Variants in UNKL observed in about 807,000 individuals in gnomAD.
UNKL encodes the protein unk like zinc finger, also known as putative E3 ubiquitin-protein ligase UNKL.
UNKL carries 60 observed loss-of-function variants against 78.0 expected under a neutral mutation model. That is an observed-to-expected ratio of 0.77 (90% CI 0.63 to 0.95). The LOEUF is 0.95. Among genes scored for constraint, UNKL ranks in the 40% least tolerant of loss-of-function variants. UNKL has a pLI of 0.00. For missense variants in UNKL, 1,159 were observed against 1,045.7 expected (o/e 1.11, Z -1.49); for synonymous variants, 608 against 474.8 (o/e 1.28, Z -3.65).
chr16:1,398,681 A>AGGGCCCCCCCC, intron 5 of UNKL: 1 of 694,464 alleles, frequency 1.4e-6, no homozygotes, highest in Non-Finnish European at 1.9e-6. Context: ...TGGGGTCTGC[A>AGGGCCCCCCCC]CCCCCCCACC....
chr16:1,384,440 C>T (rs2036730884), intron 10 of UNKL, among the ~76,000 whole-genome samples: 1 of 152,094 alleles, frequency 6.6e-6, no homozygotes, highest in Non-Finnish European at 1.5e-5. Flanking sequence ...CAGCCCAGCA[C>T]CATCACGTGT....
intron 12 of UNKL, 197 bp from the exon 13 acceptor site, chr16:1,368,055 T>C (rs1419847759): frequency 8.3e-6 from 5 of 600,396 alleles, no homozygotes; most frequent in African/African-American, 7.5e-5. Flanking sequence ...GCGCTGACAG[T>C]GACACCTGCC....
Position 1,365,250 on chromosome 16 carries a change from G to A in UNKL, c.*990C>T, listed in dbSNP as rs1231540889. ...TTAGGTGATCCACCCGCCTCCCAAA[G>A]TGCTGGGATCACAGGCATGAGCCAC... On this transcript the variant is annotated 3_prime_UTR_variant, in exon 15 of 15. Transcript: ENST00000389221. 1 of 152,154 alleles carries A rather than the reference G, an allele frequency of 6.6e-6. No individual in the cohort carries two copies. 9.4% of individuals were successfully genotyped at this position (152,154 alleles called of 1,614,324 possible).
intron 10 of UNKL, among the ~76,000 whole-genome samples, chr16:1,377,413 C>A (rs1296584627): frequency 6.6e-6 from 1 of 152,116 alleles, no homozygotes; most frequent in East Asian, 1.9e-4. Flanking sequence ...TCCCCAGGCC[C>A]CTCAGGACTC....
At chr16:1,366,526 G>T in intron 14 of UNKL, 131 bp from the exon 15 acceptor site, 1 of 1,228,980 alleles carries the variant, frequency 8.1e-7, no homozygotes, top group Admixed American at 2.9e-5. Flanking sequence ...GACAGGGTCA[G>T]GGAGACGCCC....
rs1223318767 is a variant in UNKL, at chr16:1,390,707, A to G, written c.1024-13T>C. ...CTCTCCGCTTGGCCTGCAACATAAAAAACAGTCATATGTGGAAAAAGCAGG... is the reference window on the plus strand; with the variant it reads ...CTCTCCGCTTGGCCTGCAACATAAAGAACAGTCATATGTGGAAAAAGCAGG... On this transcript the variant is annotated splice_polypyrimidine_tract_variant and intron_variant, in intron 8 of 14. Coordinates refer to ENST00000389221, the MANE Select transcript of UNKL (RefSeq NM_001372107.1). 6.5e-7 allele frequency: 1 copy of G among 1,535,830 alleles called. No homozygotes were observed. Among genetic ancestry groups the G allele is most frequent in the Non-Finnish European group, 8.7e-7 (1 of 1,146,846 alleles).
intron 10 of UNKL, among the ~76,000 whole-genome samples, chr16:1,384,614 T>A (rs1227791076): frequency 6.6e-6 from 1 of 152,052 alleles, no homozygotes; most frequent in African/African-American, 2.4e-5. Flanking sequence ...TTCAATTTTT[T>A]TTTTGAGATG....
chr16:1,379,321 C>T, intron 10 of UNKL: 1 of 281,006 alleles, frequency 3.6e-6, no homozygotes, highest in Non-Finnish European at 5.4e-6. Context: ...CCGCTCCGCT[C>T]CGCTCTCCTG....
chr16:1,375,562 A>C (rs2036154942), intron 10 of UNKL, among the ~76,000 whole-genome samples: 1 of 152,096 alleles, frequency 6.6e-6, no homozygotes, highest in South Asian at 2.1e-4. Context: ...GGGACGGCAC[A>C]CGGCGCATGC....
At chr16:1,396,933 A>G (rs932633015) in intron 6 of UNKL, 2 of 529,364 alleles carry the variant, frequency 3.8e-6, no homozygotes, top group African/African-American at 1.9e-5. Context: ...TTTTTCCCAC[A>G]TGACTCTTTC....
At chr16:1,409,656 T>A (rs1403612102) in intron 2 of UNKL, among the ~76,000 whole-genome samples, 1 of 152,140 alleles carries the variant, frequency 6.6e-6, no homozygotes, top group Non-Finnish European at 1.5e-5. Context: ...AACTGCTACT[T>A]GAGCACAGCT....
At position 1,397,926 on chromosome 16, in the gene UNKL, C is replaced by T. The variant is rs143952548; in HGVS notation, c.735-631G>A. On this transcript the variant is annotated intron_variant, in intron 5 of 14. Transcript: ENST00000389221. ...CCTCGGGCATGGGGCCCTGGAGTGA[C>T]AGGCAACGCAGCTCTGCGCTCACGG... Among the ~76,000 whole-genome samples, 579 of 152,364 alleles carry T rather than the reference C, an allele frequency of 3.8e-3. 11 individuals are homozygous for T. Among genetic ancestry groups the T allele is most frequent in the South Asian group, 0.023 (112 of 4,832 alleles).
chr16:1,382,216 C>A (rs960123872), intron 10 of UNKL, among the ~76,000 whole-genome samples: 6 of 152,342 alleles, frequency 3.9e-5, no homozygotes, highest in South Asian at 2.1e-4. Context: ...TAAAAACCTA[C>A]CCTTTACGGT....
chr16:1,397,070 G>A (rs868107126), intron 6 of UNKL, 108 bp downstream of exon 6: 35 of 1,256,790 alleles, frequency 2.8e-5, no homozygotes, highest in South Asian at 1.9e-4. Flanking sequence ...GCCAGCCCTC[G>A]GCCAAAGTTA....
At chr16:1,368,176 G>T in intron 12 of UNKL, 1 of 423,360 alleles carries the variant, frequency 2.4e-6, no homozygotes, top group Non-Finnish European at 4.3e-6. Flanking sequence ...GAGGGGCAGT[G>T]GTTCTCAGAC....
intron 8 of UNKL, among the ~76,000 whole-genome samples, chr16:1,391,751 G>C (rs1437543855): frequency 1.3e-5 from 2 of 151,580 alleles, no homozygotes; most frequent in Admixed American, 6.6e-5. Context: ...GCAGTGGCGC[G>C]ATCTCAGCTC....
rs368231228 is a variant in UNKL at position 1,413,930 on chromosome 16, C to T, written c.203G>A (p.Arg68Lys). The T allele has an allele frequency of 3.2e-6, 5 of 1,557,142 alleles. No individual in the cohort carries two copies. The highest frequency in any genetic ancestry group is 3.5e-6 in the Non-Finnish European group (4 of 1,150,630). ...GCTGTAGTTGAAGGTGCCGTCGCGCCTGCGGAGGGGCCTGCGGCGCCGCTG... is the reference window on the plus strand; with the variant it reads ...GCTGTAGTTGAAGGTGCCGTCGCGCTTGCGGAGGGGCCTGCGGCGCCGCTG... ...LNQRRRRPLRRRDGTFNYSPD... is the reference protein window; with the variant it reads ...LNQRRRRPLRKRDGTFNYSPD... Residue 68 changes from arginine to lysine, a missense_variant, in exon 2 of 15, where the codon AGG becomes AAG. By Grantham distance (26) the Arg-to-Lys change is conservative (BLOSUM62 2). Transcript: ENST00000389221.
chr16:1,372,267 A>C (rs556184718), intron 10 of UNKL, among the ~76,000 whole-genome samples: 33 of 152,014 alleles, frequency 2.2e-4, no homozygotes, highest in African/African-American at 7.7e-4. Context: ...CCATCTCAAA[A>C]AAAACAAAAA....
chr16:1,384,002 C>A, intron 10 of UNKL: 1 of 197,818 alleles, frequency 5.1e-6, no homozygotes, highest in East Asian at 1.2e-4. Flanking sequence ...CCAACCCCAT[C>A]CCATTCCACC....
Sources: allele counts gnomAD v4.1 joint callset (sites outside exome capture counted in the v4.1 genomes callset), GRCh38; gene constraint gnomAD v4.1.1; transcripts MANE v1.5; gene names NCBI Gene and HGNC (gene_info 2026-07-23, HGNC 2026-07-21).